The following SLC24A3 variants were observed in gnomAD, a reference collection of about 807,000 sequenced individuals.
The protein encoded by SLC24A3 is sodium/potassium/calcium exchanger 3.
Under a neutral mutation model 75.8 loss-of-function variants are expected in SLC24A3, and 28 were observed. That is an observed-to-expected ratio of 0.37 (90% CI 0.27 to 0.51). The LOEUF (loss-of-function observed/expected upper bound fraction) is 0.51. Ranked by LOEUF, SLC24A3 falls within the 20% of genes least tolerant of loss-of-function variation. The pLI is 0.94. For synonymous variants in SLC24A3, 372 were observed against 334.1 expected (o/e 1.11, Z -1.24); for missense variants, 663 against 847.8 (o/e 0.78, Z 2.71).
chr20:19,239,265 A>G (rs940306974), intron 1 of SLC24A3, among the ~76,000 whole-genome samples: 5 of 152,184 alleles, frequency 3.3e-5, no homozygotes, highest in Admixed American at 6.5e-5. Flanking sequence ...GAAGCACAAC[A>G]GGAGAAGCAG....
chr20:19,373,053 G>T (rs549726108), intron 2 of SLC24A3, among the ~76,000 whole-genome samples: 1 of 114,172 alleles, frequency 8.8e-6, no homozygotes, highest in South Asian at 2.6e-4. Flanking sequence ...AAATTCTTTA[G>T]TTTTGCGATT....
chr20:19,280,909 G>T, intron 1 of SLC24A3, 50 bp from the exon 2 acceptor site: 1 of 1,596,636 alleles, frequency 6.3e-7, no homozygotes, highest in East Asian at 2.3e-5. Flanking sequence ...GTCGGCAGAG[G>T]CTGAAACCCA....
chr20:19,645,492 A>G (rs1008660642), intron 6 of SLC24A3, among the ~76,000 whole-genome samples: 2 of 152,168 alleles, frequency 1.3e-5, no homozygotes, highest in Non-Finnish European at 2.9e-5. Context: ...AGTATATGGC[A>G]TCTGACTCTT....
At chr20:19,575,497 G>A (rs558147923) in intron 3 of SLC24A3, among the ~76,000 whole-genome samples, 1 of 152,294 alleles carries the variant, frequency 6.6e-6, no homozygotes, top group South Asian at 2.1e-4. Flanking sequence ...CAAGGCCAAA[G>A]CAGATTCCCA....
At chr20:19,259,803 C>T (rs1408651209) in intron 1 of SLC24A3, among the ~76,000 whole-genome samples, 2 of 152,224 alleles carry the variant, frequency 1.3e-5, no homozygotes, top group African/African-American at 2.4e-5. Flanking sequence ...ACCAGGATTT[C>T]ACCATTAACA....
At chr20:19,365,491 G>C (rs1985871644) in intron 2 of SLC24A3, among the ~76,000 whole-genome samples, 1 of 152,176 alleles carries the variant, frequency 6.6e-6, no homozygotes, top group South Asian at 2.1e-4. Context: ...CTCTTTAGCA[G>C]AGTTTCTATA....
At chr20:19,676,754 T>C (rs2032528724) in intron 9 of SLC24A3, among the ~76,000 whole-genome samples, 1 of 152,200 alleles carries the variant, frequency 6.6e-6, no homozygotes, top group Non-Finnish European at 1.5e-5. Context: ...TCAAGGAGCA[T>C]AAAGCATGCC....
chr20:19,585,656 T>C, intron 6 of SLC24A3, 112 bp downstream of exon 6: 1 of 1,024,638 alleles, frequency 9.8e-7, no homozygotes, highest in Non-Finnish European at 1.5e-6. Flanking sequence ...TAGGGCCCAG[T>C]GGTTTGGGCA....
At chr20:19,512,715 G>A (rs1600260244) in intron 2 of SLC24A3, among the ~76,000 whole-genome samples, 5 of 152,364 alleles carry the variant, frequency 3.3e-5, no homozygotes, top group African/African-American at 1.2e-4. Flanking sequence ...CTGGGCTGGG[G>A]AGAACCCAGT....
chr20:19,565,613 T>G lies in SLC24A3; in HGVS notation c.349-14387T>G, dbSNP rs191297809. On this transcript the variant is annotated intron_variant, in intron 3 of 16. Transcript: ENST00000328041. ...TATTGGTCCCCCATTGCATATGGACTCTTATCTGAGGGTCTACTTCTGAGC... is the reference window on the plus strand; with the variant it reads ...TATTGGTCCCCCATTGCATATGGACGCTTATCTGAGGGTCTACTTCTGAGC... 1.2e-4 allele frequency among the ~76,000 whole-genome samples: 19 copies of G among 152,280 alleles called. No individual in the cohort carries two copies. In the East Asian group the frequency reaches 3.7e-3, roughly 29 times the overall value.
intron 6 of SLC24A3, among the ~76,000 whole-genome samples, chr20:19,612,095 C>G (rs1450257525): frequency 6.6e-6 from 1 of 152,202 alleles, no homozygotes; most frequent in Non-Finnish European, 1.5e-5. Flanking sequence ...CCACCCGTCC[C>G]TAGTTGTCTA....
intron 2 of SLC24A3, among the ~76,000 whole-genome samples, chr20:19,380,241 G>C (rs142223463): frequency 6.6e-6 from 1 of 152,164 alleles, no homozygotes; most frequent in East Asian, 1.9e-4. Flanking sequence ...TGAAGGTTGC[G>C]GGAAGGCCTG....
chr20:19,652,180 T>A (rs1205536126), intron 6 of SLC24A3, among the ~76,000 whole-genome samples: 1 of 152,252 alleles, frequency 6.6e-6, no homozygotes, highest in Admixed American at 6.5e-5. Flanking sequence ...GCTCTTCTAT[T>A]CCTTTTGCAT....
intron 2 of SLC24A3, among the ~76,000 whole-genome samples, chr20:19,484,258 T>A (rs1459648684): frequency 2.6e-5 from 4 of 152,222 alleles, no homozygotes; most frequent in Non-Finnish European, 5.9e-5. Flanking sequence ...AAAATTCATT[T>A]ATGTTTTATA....
In SLC24A3 at chr20:19,373,824, G is replaced by A. The variant is rs111407383; in HGVS notation, c.271+92737G>A. ...GAGGCATCTACTAAGAGCATGACAT[G>A]TTTTTAAGCCAAAACGAAATGAAGC... is the stretch of plus-strand genomic sequence containing the variant. On this transcript the variant is annotated intron_variant, in intron 2 of 16. Coordinates refer to ENST00000328041, the MANE Select transcript of SLC24A3 (RefSeq NM_020689.4). Among the ~76,000 whole-genome samples the A allele has an allele frequency of 5.3e-3, 812 of 152,248 alleles. 3 individuals are homozygous for A. The highest frequency in any genetic ancestry group is 0.019 in the African/African-American group (781 of 41,544).
chr20:19,467,878 C>T (rs1987795032), intron 2 of SLC24A3, among the ~76,000 whole-genome samples: 1 of 133,298 alleles, frequency 7.5e-6, no homozygotes, highest in Non-Finnish European at 1.5e-5. Flanking sequence ...GGGACCCTGT[C>T]TCAAAAAAAA....
chr20:19,423,967 A>G lies in SLC24A3; in HGVS notation c.272-91521A>G, dbSNP rs151020659. On this transcript the variant is annotated intron_variant, in intron 2 of 16. Transcript: ENST00000328041. ...TGTCTCACAAAGAGTCTTGTCTGAG[A>G]TACGTTTAAAGGAAGTGAAGTTATG... is the stretch of plus-strand genomic sequence containing the variant. Among the ~76,000 whole-genome samples, 587 of 152,254 alleles carry G rather than the reference A, an allele frequency of 3.9e-3. 6 individuals carry two copies. Among genetic ancestry groups the G allele is most frequent in the African/African-American group, 0.013 (549 of 41,540 alleles).
At chr20:19,647,711 T>C (rs578043557) in intron 6 of SLC24A3, among the ~76,000 whole-genome samples, 1 of 152,224 alleles carries the variant, frequency 6.6e-6, no homozygotes, top group Non-Finnish European at 1.5e-5. Flanking sequence ...TGAGAAGGCA[T>C]GTCTGAGTCC....
chr20:19,698,765 C>CG (rs2032840176), intron 15 of SLC24A3, 85 bp downstream of exon 15: 1 of 1,055,042 alleles, frequency 9.5e-7, no homozygotes, highest in Non-Finnish European at 1.4e-6. Context: ...GTCTTTGTCT[C>CG]GGGGAAAAAG....
Sources: gnomAD v4.1 joint callset for allele counts (sites outside exome capture counted in the v4.1 genomes callset) on GRCh38, gnomAD v4.1.1 for gene constraint, MANE v1.5 for transcripts, NCBI Gene and HGNC (gene_info 2026-07-23, HGNC 2026-07-21) for gene names.